CCDC71: variants seen among roughly 807,000 people sequenced by gnomAD.
The protein encoded by CCDC71 is coiled-coil domain containing 71, also known as coiled-coil domain-containing protein 71.
For missense variants in CCDC71, 594 were observed against 604.0 expected, an observed-to-expected ratio of 0.98 and a Z score of 0.17; for synonymous variants, 257 against 242.2, an observed-to-expected ratio of 1.06 and a Z score of -0.57.
Position 49,162,621 on chromosome 3 carries a change from T to TCCCCCCCCCCCCCCC in CCDC71, c.*183_*184insGGGGGGGGGGGGGGG. On this transcript the variant is annotated 3_prime_UTR_variant, in exon 2 of 2. Coordinates refer to ENST00000321895, the MANE Select transcript of CCDC71 (RefSeq NM_022903.4). ...GTGCATCGCGCCATGAAAACACCCC[T>TCCCCCCCCCCCCCCC]CCCGCCCACCCACCCCACCGTACCC... 2 of 28,832 alleles carry TCCCCCCCCCCCCCCC rather than the reference T, an allele frequency of 6.9e-5. 1 individual carries two copies. The highest frequency in any genetic ancestry group is 1.3e-4 in the Non-Finnish European group (2 of 15,768). The allele number at this position is 28,832 out of a possible 1,614,324, so 1.8% of individuals were successfully genotyped here.
Position 49,163,943 on chromosome 3 carries a change from C to A in CCDC71, c.266G>T (p.Arg89Leu). 1.2e-6 allele frequency: 2 copies of A among 1,614,126 alleles called. No homozygotes were observed. The highest frequency in any genetic ancestry group is 1.7e-6 in the Non-Finnish European group (2 of 1,180,022). The change falls in exon 2 of 2, where the codon CGT (arginine) becomes CTT (leucine). Residue 89 changes from arginine (R) to leucine (L), a missense_variant. Transcript: ENST00000321895. ...NPPSQTKLQARAPNPTATSPP... is the reference protein window; with the variant it reads ...NPPSQTKLQALAPNPTATSPP... Reference sequence around the variant, plus strand: ...TGATGTGGCAGTTGGGTTAGGGGCACGAGCTTGCAGTTTCGTCTGGCTTGG... The same window carrying A: ...TGATGTGGCAGTTGGGTTAGGGGCAAGAGCTTGCAGTTTCGTCTGGCTTGG...
chr3:49,164,106 T>G lies in CCDC71; in HGVS notation c.103A>C (p.Asn35His). Residue 35 changes from asparagine (N) to histidine (H), a missense_variant, in exon 2 of 2, where the codon AAC (asparagine) becomes CAC (histidine). Asn to His is a moderately conservative substitution (Grantham distance 68). Transcript: ENST00000321895. ...KALEEALLVFNPMSQDLSATE... is the reference protein window; with the variant it reads ...KALEEALLVFHPMSQDLSATE... The stretch of plus-strand genomic sequence containing the variant: ...GCACTGAGATCCTGGCTCATTGGGT[T>G]AAAGACAAGCAGTGCCTCTTCCAGG... The G allele has an allele frequency of 6.2e-7, 1 of 1,613,968 alleles. No individual in the cohort carries two copies. Among genetic ancestry groups the G allele is most frequent in the Non-Finnish European group, 8.5e-7 (1 of 1,179,998 alleles).
rs1275302208 is a variant in CCDC71 at position 49,166,108 on chromosome 3, A to AG, written c.-53+158dup. On this transcript the variant is annotated intron_variant, in intron 1 of 1. Transcript: ENST00000321895. This position sits in a 1 kb window ranked among gnomAD's most constrained non-coding sequence, Gnocchi z 4.0. ...AGCCCTACCGGGACCGCACAGCCCC[A>AG]GGGTGGGGTCGCTGGGCGCGGGGTG... Among the ~76,000 whole-genome samples the AG allele has an allele frequency of 3.7e-4, 30 of 81,980 alleles. No individual in the cohort carries two copies. The highest frequency in any genetic ancestry group is 1.1e-4 in the African/African-American group (2 of 19,040). 53.8% of individuals were successfully genotyped at this position (81,980 alleles called of 152,430 possible). A position where few individuals can be genotyped will look rare whatever the true frequency, so the allele number is the denominator to read the frequency against.
In CCDC71 at chr3:49,166,252, G is replaced by C. The variant is rs1434571796; in HGVS notation, c.-53+15C>G. ...GCCCCTCCGCGGCGCGGCTAGGCCC[G>C]CGGCTCCAACCTACCGGCGCCGCCG... is the stretch of plus-strand genomic sequence containing the variant. On this transcript the variant is annotated intron_variant, in intron 1 of 1. Coordinates refer to ENST00000321895, the MANE Select transcript of CCDC71 (RefSeq NM_022903.4). The surrounding 1 kb of genome is among the most constrained non-coding windows in gnomAD (Gnocchi z 4.0). The C allele has an allele frequency of 6.6e-6, 1 of 151,968 alleles. No individual in the cohort carries two copies. Among genetic ancestry groups the C allele is most frequent in the South Asian group, 2.1e-4 (1 of 4,832 alleles). 9.4% of individuals were successfully genotyped at this position (151,968 alleles called of 1,614,324 possible). A position where few individuals can be genotyped will look rare whatever the true frequency, so the allele number is the denominator to read the frequency against.
In CCDC71 at chr3:49,162,685, A is replaced by C; in HGVS notation, c.*120T>G. On this transcript the variant is annotated 3_prime_UTR_variant, in exon 2 of 2. Transcript: ENST00000321895. The stretch of plus-strand genomic sequence containing the variant: ...TTCTGAAAGGAGGCTGGTGGTCACC[A>C]GGGCCCTAGAGAGGCACCGGGAGTC... 5.9e-6 allele frequency: 4 copies of C among 678,260 alleles called. No homozygotes were observed. Among genetic ancestry groups the C allele is most frequent in the Non-Finnish European group, 6.0e-6 (3 of 497,692 alleles). The allele number at this position is 678,260 out of a possible 1,614,324, so 42.0% of individuals were successfully genotyped here.
intron 1 of CCDC71, among the ~76,000 whole-genome samples, chr3:49,165,444 C>T (rs1402091113): frequency 2.0e-5 from 3 of 152,236 alleles, no homozygotes; most frequent in Non-Finnish European, 4.4e-5. Context: ...AGAGGCAGCT[C>T]CCCAGCTGCA....
In CCDC71 at chr3:49,162,981, G is replaced by A. The variant is rs759734704; in HGVS notation, c.1228C>T (p.Arg410Ter). ...PPKKRTRLGP[R>*]SPKAWLGPGT... is the part of the protein sequence containing the mutation. The stretch of plus-strand genomic sequence containing the variant: ...GGCCCTAGCCATGCCTTAGGAGATC[G>A]GGGCCCAAGCCGTGTTCTCTTCTTG... Residue 410 changes from arginine to a stop codon, truncating the protein, a stop_gained, in exon 2 of 2, where the codon CGA (arginine) becomes TGA (stop). Transcript: ENST00000321895. LOFTEE classifies it high-confidence loss of function. 16 of 1,614,146 alleles carry A rather than the reference G, an allele frequency of 9.9e-6. No individual in the cohort carries two copies. The highest frequency in any genetic ancestry group is 4.0e-5 in the African/African-American group (3 of 74,952).
chr3:49,163,742 C>T lies in CCDC71; in HGVS notation c.467G>A (p.Gly156Asp), dbSNP rs762273066. Residue 156 changes from glycine (G) to aspartate (D), a missense_variant, in exon 2 of 2, where the codon GGT (glycine) becomes GAT (aspartate). Coordinates refer to ENST00000321895, the MANE Select transcript of CCDC71 (RefSeq NM_022903.4). ...GTGGGTGGGGAAGCCCACTGCTGCA[C>T]CCCGGGCATGGCTGGCACTTGATTG... Reference protein sequence around the residue: ...LKQSSASHARGAAVGFPTHLY... With the variant: ...LKQSSASHARDAAVGFPTHLY... The T allele has an allele frequency of 2.5e-6, 4 of 1,614,090 alleles. No homozygotes were observed. Among genetic ancestry groups the T allele is most frequent in the Admixed American group, 3.3e-5 (2 of 60,026 alleles).
rs2107654010 is a variant in CCDC71 at position 49,162,891 on chromosome 3, C to T, written c.1318G>A (p.Val440Met). ...KVDRRSSDDEVRQRAQRILRV... is the reference protein window; with the variant it reads ...KVDRRSSDDEMRQRAQRILRV... ...AGGATCCGCTGAGCCCGCTGCCGCACCTCATCATCCGAGGACCGCCTATCT... is the reference window on the plus strand; with the variant it reads ...AGGATCCGCTGAGCCCGCTGCCGCATCTCATCATCCGAGGACCGCCTATCT... Residue 440 changes from valine to methionine, a missense_variant, in exon 2 of 2, where the codon GTG becomes ATG. Physicochemically the swap from Val to Met is conservative, Grantham distance 21. Transcript: ENST00000321895. 6.2e-7 allele frequency: 1 copy of T among 1,614,252 alleles called. No individual in the cohort carries two copies. The highest frequency in any genetic ancestry group is 8.5e-7 in the Non-Finnish European group (1 of 1,180,050).
In CCDC71 at chr3:49,163,102, A is replaced by T; in HGVS notation, c.1107T>A (p.Ser369=). Residue 369 remains serine, a synonymous_variant, in exon 2 of 2, where the codon TCT becomes TCA. Transcript: ENST00000321895. ...QPRGRGRPKG[S]AKARTTRKGQ... is the part of the protein sequence containing the mutation. ...CCTTCCTTGTAGTTCTGGCCTTAGCAGATCCCTTTGGCCTGCCTCTGCCCC... is the reference window on the plus strand; with the variant it reads ...CCTTCCTTGTAGTTCTGGCCTTAGCTGATCCCTTTGGCCTGCCTCTGCCCC... The T allele has an allele frequency of 6.2e-7, 1 of 1,614,248 alleles. No homozygotes were observed. The highest frequency in any genetic ancestry group is 8.5e-7 in the Non-Finnish European group (1 of 1,180,054).
In CCDC71 at chr3:49,163,645, G is replaced by A. The variant is rs751377814; in HGVS notation, c.564C>T (p.Pro188=). 6.2e-7 allele frequency: 1 copy of A among 1,614,172 alleles called. No homozygotes were observed. Among genetic ancestry groups the A allele is most frequent in the South Asian group, 1.1e-5 (1 of 91,082 alleles). ...VLEALVPLKT[P]MPCLGAKHKA... ...TGTGCTTGGCACCCAAGCAGGGCAT[G>A]GGAGTCTTAAGTGGAACCAGGGCCT... The change falls in exon 2 of 2, where the codon CCC becomes CCT. Residue 188 remains proline (P), a synonymous_variant. Transcript: ENST00000321895.
chr3:49,165,810 AC>A (rs1182204335), intron 1 of CCDC71, among the ~76,000 whole-genome samples: 1 of 152,204 alleles, frequency 6.6e-6, no homozygotes, highest in African/African-American at 2.4e-5. Flanking sequence ...GGGCTCTTCC[AC>A]CCAGGTTAGG....
chr3:49,166,038 G>A lies in CCDC71; in HGVS notation c.-53+229C>T, dbSNP rs1267084339. Reference sequence around the variant, plus strand: ...CACGTCCTTAGGGCCCAAGCCGTGAGGCGGGGGTCACTGAGGCAGCGAAAT... The same window carrying A: ...CACGTCCTTAGGGCCCAAGCCGTGAAGCGGGGGTCACTGAGGCAGCGAAAT... On this transcript the variant is annotated intron_variant, in intron 1 of 1. Coordinates refer to ENST00000321895, the MANE Select transcript of CCDC71 (RefSeq NM_022903.4). This position sits in a 1 kb window ranked among gnomAD's most constrained non-coding sequence, Gnocchi z 4.0. Among the ~76,000 whole-genome samples the A allele has an allele frequency of 6.6e-6, 1 of 152,206 alleles. No individual in the cohort carries two copies. Among genetic ancestry groups the A allele is most frequent in the African/African-American group, 2.4e-5 (1 of 41,450 alleles).
At chr3:49,165,830 T>G (rs550702492) in intron 1 of CCDC71, among the ~76,000 whole-genome samples, 1 of 152,358 alleles carries the variant, frequency 6.6e-6, no homozygotes, top group Admixed American at 6.5e-5. Context: ...GGCTGGGCTC[T>G]TGGGAGGGGT....
In CCDC71 at chr3:49,164,241, C is replaced by T. The variant is rs754158175; in HGVS notation, c.-33G>A. On this transcript the variant is annotated 5_prime_UTR_variant, in exon 2 of 2. Transcript: ENST00000321895. ...GGCACTGCAGATCTGCCTGGGTATC[C>T]GCAAACCAGCGCTTGGCACCTCCAA... 12 of 1,584,874 alleles carry T rather than the reference C, an allele frequency of 7.6e-6. No homozygotes were observed. Among genetic ancestry groups the T allele is most frequent in the South Asian group, 2.3e-5 (2 of 88,664 alleles).
chr3:49,164,886 G>C (rs542522037), intron 1 of CCDC71, among the ~76,000 whole-genome samples: 66 of 152,322 alleles, frequency 4.3e-4, no homozygotes, highest in African/African-American at 1.5e-3. Flanking sequence ...CGAGGATAGA[G>C]CAACAAAGAA....
chr3:49,164,048 C>A lies in CCDC71; in HGVS notation c.161G>T (p.Gly54Val). 2 of 1,614,130 alleles carry A rather than the reference C, an allele frequency of 1.2e-6. No individual in the cohort carries two copies. Among genetic ancestry groups the A allele is most frequent in the Non-Finnish European group, 1.7e-6 (2 of 1,180,036 alleles). Residue 54 changes from glycine (G) to valine (V), a missense_variant, in exon 2 of 2, where the codon GGC becomes GTC. Gly to Val is a moderately radical substitution (Grantham distance 109). Transcript: ENST00000321895. ...TEAQLVAFLQ[G>V]LRDDGFQPTI... Reference sequence around the variant, plus strand: ...AGGTTGGAAGCCATCATCTCGCAGGCCCTGCAGGAAGGCCACAAGCTGGGC... The same window carrying A: ...AGGTTGGAAGCCATCATCTCGCAGGACCTGCAGGAAGGCCACAAGCTGGGC...
In CCDC71 at chr3:49,163,673, A is replaced by C; in HGVS notation, c.536T>G (p.Leu179Arg). 1 of 1,614,110 alleles carries C rather than the reference A, an allele frequency of 6.2e-7. No homozygotes were observed. The highest frequency in any genetic ancestry group is 8.5e-7 in the Non-Finnish European group (1 of 1,180,016). The part of the protein sequence containing the change: ...VYPAMRLSVV[L>R]EALVPLKTPM... ...AGTCTTAAGTGGAACCAGGGCCTCA[A>C]GGACAACAGAGAGCCGCATGGCAGG... is the stretch of plus-strand genomic sequence containing the variant. Residue 179 changes from leucine to arginine, a missense_variant, in exon 2 of 2, where the codon CTT becomes CGT. Transcript: ENST00000321895.
chr3:49,163,016 T>C lies in CCDC71; in HGVS notation c.1193A>G (p.Asp398Gly), dbSNP rs745374253. The C allele has an allele frequency of 6.2e-7, 1 of 1,614,244 alleles. No individual in the cohort carries two copies. The highest frequency in any genetic ancestry group is 8.5e-7 in the Non-Finnish European group (1 of 1,180,046). ...QKRKRAEEAK[D>G]LPPKKRTRLG... ...CCGTGTTCTCTTCTTGGGAGGAAGA[T>C]CTTTTGCCTCCTCAGCCCTTTTCCT... is the stretch of plus-strand genomic sequence containing the variant. The change falls in exon 2 of 2, where the codon GAT becomes GGT. Residue 398 changes from aspartate to glycine, a missense_variant. Transcript: ENST00000321895.
Sources: allele counts gnomAD v4.1 joint callset (sites outside exome capture counted in the v4.1 genomes callset), GRCh38; gene constraint gnomAD v4.1.1; non-coding constraint Gnocchi (gnomAD v3.1); transcripts MANE v1.5; gene names NCBI Gene and HGNC (gene_info 2026-07-23, HGNC 2026-07-21).